ULK4: variants seen among roughly 807,000 people sequenced by gnomAD.
ULK4 encodes inactive serine/threonine-protein kinase ULK4.
ULK4 carries 133 observed loss-of-function variants against 160.6 expected under a neutral mutation model. The observed-to-expected ratio is 0.83, with a 90% CI of 0.72 to 0.96. ULK4 has a LOEUF of 0.96. Ranked by LOEUF, ULK4 falls within the 40% of genes least tolerant of loss-of-function variation. ULK4 has a pLI of 0.00. For missense variants in ULK4, 1,580 were observed against 1,499.5 expected, an observed-to-expected ratio of 1.05 and a Z score of -0.89; for synonymous variants, 534 against 539.8, an observed-to-expected ratio of 0.99 and a Z score of 0.15.
At chr3:41,444,509 T>C (rs1053208660) in intron 34 of ULK4, among the ~76,000 whole-genome samples, 3 of 152,168 alleles carry the variant, frequency 2.0e-5, no homozygotes, top group East Asian at 1.9e-4. Flanking sequence ...CAGTGAGATG[T>C]ATAAATATAA....
chr3:41,337,105 A>G (rs1433831055), intron 35 of ULK4, among the ~76,000 whole-genome samples: 6 of 152,206 alleles, frequency 3.9e-5, no homozygotes, highest in Non-Finnish European at 8.8e-5. Flanking sequence ...ATGCCGCATC[A>G]TGAATCAACA....
At chr3:41,787,065 T>C (rs1208821433) in intron 21 of ULK4, among the ~76,000 whole-genome samples, 1 of 152,082 alleles carries the variant, frequency 6.6e-6, no homozygotes, top group Non-Finnish European at 1.5e-5. Context: ...AGAAAATTTT[T>C]AGAAAATAGC....
At chr3:41,597,792 C>A (rs1307688001) in intron 31 of ULK4, among the ~76,000 whole-genome samples, 1 of 152,118 alleles carries the variant, frequency 6.6e-6, no homozygotes, top group Non-Finnish European at 1.5e-5. Flanking sequence ...TCTCAAAACA[C>A]AAACTTAGAG....
intron 21 of ULK4, among the ~76,000 whole-genome samples, chr3:41,788,816 C>T (rs138299591): frequency 1.3e-5 from 2 of 152,286 alleles, no homozygotes; most frequent in Non-Finnish European, 2.9e-5. Flanking sequence ...AATTGTACAA[C>T]TGAAAATATT....
At chr3:41,654,840 T>G (rs999955250) in intron 30 of ULK4, among the ~76,000 whole-genome samples, 5 of 152,202 alleles carry the variant, frequency 3.3e-5, no homozygotes, top group Non-Finnish European at 4.4e-5. Context: ...TAGAGAAACC[T>G]TGTATTTTAT....
At chr3:41,603,177 C>T (rs12108074) in intron 31 of ULK4, among the ~76,000 whole-genome samples, 330 of 151,930 alleles carry the variant, frequency 2.2e-3, no homozygotes, top group African/African-American at 7.6e-3. Flanking sequence ...TCTGGCTATA[C>T]TGATATCAGA....
intron 29 of ULK4, among the ~76,000 whole-genome samples, chr3:41,679,557 T>C (rs1342160876): frequency 3.9e-5 from 6 of 152,350 alleles, no homozygotes; most frequent in Admixed American, 2.0e-4. Context: ...TGGTTTACAT[T>C]TACATTTTCC....
At chr3:41,509,727 G>A (rs1246236686) in intron 32 of ULK4, among the ~76,000 whole-genome samples, 3 of 152,162 alleles carry the variant, frequency 2.0e-5, no homozygotes, top group South Asian at 2.1e-4. Context: ...GCGAAACTAA[G>A]CTTCATAAAT....
intron 19 of ULK4, among the ~76,000 whole-genome samples, chr3:41,806,357 T>C (rs1300152828): frequency 1.3e-5 from 2 of 152,212 alleles, no homozygotes; most frequent in African/African-American, 4.8e-5. Context: ...TTATTGAGTC[T>C]ATTTGATTCT....
rs58982909 is a variant in ULK4 at position 41,435,951 on chromosome 3, CATAAATAAATAA to C, written c.3492+19534_3492+19545del. On this transcript the variant is annotated intron_variant, in intron 34 of 36. Transcript: ENST00000301831. ...CAACAGAGCAAGACTCCGTCTCATTCATAAATAAATAAATAAATAAATAAATAAATAAAGCAT... is the reference window on the plus strand; with the variant it reads ...CAACAGAGCAAGACTCCGTCTCATTCATAAATAAATAAATAAATAAAGCAT... Among the ~76,000 whole-genome samples, 744 of 150,344 alleles carry C rather than the reference CATAAATAAATAA, an allele frequency of 4.9e-3. 11 individuals carry two copies. Among genetic ancestry groups the C allele is most frequent in the Admixed American group, 0.037 (558 of 15,048 alleles).
chr3:41,714,086 A>G (rs1451717794), intron 25 of ULK4, among the ~76,000 whole-genome samples: 3 of 152,244 alleles, frequency 2.0e-5, no homozygotes, highest in African/African-American at 7.2e-5. Context: ...TCATGTTAAA[A>G]TGATGCCTAT....
At chr3:41,811,203 GT>G (rs1292142151) in intron 19 of ULK4, among the ~76,000 whole-genome samples, 1 of 151,016 alleles carries the variant, frequency 6.6e-6, no homozygotes, top group Non-Finnish European at 1.5e-5. Flanking sequence ...TATTTTTTAA[GT>G]TTTATTATTA....
chr3:41,483,139 C>A (rs577552860), intron 32 of ULK4, among the ~76,000 whole-genome samples: 1 of 152,194 alleles, frequency 6.6e-6, no homozygotes, highest in South Asian at 2.1e-4. Flanking sequence ...TACCTGTTAA[C>A]CATCCCCACT....
chr3:41,654,389 G>A (rs900417190), intron 30 of ULK4, among the ~76,000 whole-genome samples: 2 of 152,106 alleles, frequency 1.3e-5, no homozygotes, highest in Admixed American at 1.3e-4. Flanking sequence ...AAAACAAAAT[G>A]CTAAATTTTT....
chr3:41,555,759 GAATC>G (rs2087269636), intron 32 of ULK4, among the ~76,000 whole-genome samples: 1 of 152,172 alleles, frequency 6.6e-6, no homozygotes. Flanking sequence ...CTAAGACATG[GAATC>G]AATCTAAATG....
At chr3:41,755,540 G>T (rs1444895251) in intron 21 of ULK4, among the ~76,000 whole-genome samples, 2 of 152,088 alleles carry the variant, frequency 1.3e-5, no homozygotes, top group Admixed American at 6.5e-5. Flanking sequence ...CTAGACAGTA[G>T]AAAATCCATC....
At chr3:41,384,223 A>G (rs2081743617) in intron 35 of ULK4, among the ~76,000 whole-genome samples, 2 of 152,174 alleles carry the variant, frequency 1.3e-5, no homozygotes, top group Admixed American at 1.3e-4. Context: ...ATTCTGACCC[A>G]AAATATCACG....
intron 31 of ULK4, among the ~76,000 whole-genome samples, chr3:41,587,662 G>A (rs1008907187): frequency 6.6e-6 from 1 of 152,074 alleles, no homozygotes; most frequent in Non-Finnish European, 1.5e-5. Flanking sequence ...TCACATGAAG[G>A]CAAAGGCTAA....
At chr3:41,877,603 G>A (rs551225247) in intron 17 of ULK4, among the ~76,000 whole-genome samples, 2 of 152,062 alleles carry the variant, frequency 1.3e-5, no homozygotes, top group East Asian at 3.9e-4. Flanking sequence ...TGGTATTACA[G>A]GCATGAGCCA....
Sources: allele counts gnomAD v4.1 joint callset (sites outside exome capture counted in the v4.1 genomes callset), GRCh38; gene constraint gnomAD v4.1.1; transcripts MANE v1.5; gene names NCBI Gene and HGNC (gene_info 2026-07-23, HGNC 2026-07-21).